KIRREL3: variants seen among roughly 807,000 people sequenced by gnomAD.
KIRREL3 encodes the protein kirre like nephrin family adhesion molecule 3.
Under a neutral mutation model 89.7 loss-of-function variants are expected in KIRREL3, and 36 were observed. That is an observed-to-expected ratio of 0.40 (90% CI 0.31 to 0.53). The LOEUF (loss-of-function observed/expected upper bound fraction) is 0.53. Among genes scored for constraint, KIRREL3 ranks in the 20% least tolerant of loss-of-function variants. The pLI is 0.49. For missense variants in KIRREL3, 864 were observed against 1,056.6 expected (o/e 0.82, Z 2.53); for synonymous variants, 445 against 441.4 (o/e 1.01, Z -0.10).
At chr11:126,899,556 G>A (rs943058539) in intron 1 of KIRREL3, among the ~76,000 whole-genome samples, 8 of 152,280 alleles carry the variant, frequency 5.3e-5, no homozygotes, top group African/African-American at 1.9e-4. Context: ...CAAAGACAAG[G>A]AAGGCAAAGC....
At position 126,444,969 on chromosome 11, in the gene KIRREL3, A is replaced by G. The variant is rs1955733633; in HGVS notation, c.1252+10T>C. On this transcript the variant is annotated intron_variant, in intron 10 of 16. Transcript: ENST00000525144. ...CCCTCAGGCCTGGCTCACCCCAGCGAGGGTCTTACCATTGACGGTCAGGGT... is the reference window on the plus strand; with the variant it reads ...CCCTCAGGCCTGGCTCACCCCAGCGGGGGTCTTACCATTGACGGTCAGGGT... 6.2e-7 allele frequency: 1 copy of G among 1,613,516 alleles called. No homozygotes were observed. The highest frequency in any genetic ancestry group is 8.5e-7 in the Non-Finnish European group (1 of 1,179,828).
In KIRREL3 at chr11:126,905,818, C is replaced by T. The variant is rs1303747610; in HGVS notation, c.55+94637G>A. On this transcript the variant is annotated intron_variant, in intron 1 of 16. Transcript: ENST00000525144. The surrounding 1 kb of genome is among the most constrained non-coding windows in gnomAD (Gnocchi z 5.0). ...CTAACGAGCACACTGGGGAGAGCCT[C>T]CAGTGGGGACATGACTCCCCAAAGC... is the stretch of plus-strand genomic sequence containing the variant. Among the ~76,000 whole-genome samples the T allele has an allele frequency of 6.6e-6, 1 of 152,172 alleles. No individual in the cohort carries two copies. Among genetic ancestry groups the T allele is most frequent in the Non-Finnish European group, 1.5e-5 (1 of 68,030 alleles).
At chr11:126,849,073 C>G (rs555410429) in intron 1 of KIRREL3, among the ~76,000 whole-genome samples, 1 of 152,264 alleles carries the variant, frequency 6.6e-6, no homozygotes, top group Non-Finnish European at 1.5e-5. Context: ...TGAAGGCATT[C>G]TTAATCACAG....
At chr11:126,854,260 A>G (rs1403618493) in intron 1 of KIRREL3, among the ~76,000 whole-genome samples, 1 of 152,032 alleles carries the variant, frequency 6.6e-6, no homozygotes, top group Non-Finnish European at 1.5e-5. Flanking sequence ...TTATGATTTA[A>G]ACTATTTTAA....
chr11:126,449,175 G>T lies in KIRREL3; in HGVS notation c.849-18C>A, dbSNP rs547781666. On this transcript the variant is annotated intron_variant, in intron 7 of 16. Transcript: ENST00000525144. ...TGGCCCACCTGCAACAAAGGCCAGG[G>T]GCTGATGTGGGCCTTGAGTGGCAAG... The T allele has an allele frequency of 1.8e-5, 29 of 1,612,448 alleles. No individual in the cohort carries two copies. Among genetic ancestry groups the T allele is most frequent in the South Asian group, 1.8e-4 (16 of 91,014 alleles).
intron 1 of KIRREL3, chr11:126,936,791 C>T (rs1404498775): frequency 6.6e-6 from 1 of 152,188 alleles, no homozygotes; most frequent in Non-Finnish European, 1.5e-5. Flanking sequence ...CATGAGGGAT[C>T]ACTTGGGAGA....
At position 126,446,786 on chromosome 11, in the gene KIRREL3, G is replaced by A. The variant is rs370728972; in HGVS notation, c.1098C>T (p.Ile366=). 27 of 1,601,862 alleles carry A rather than the reference G, an allele frequency of 1.7e-5. No homozygotes were observed. The highest frequency in any genetic ancestry group is 1.6e-4 in the Middle Eastern group (1 of 6,074). Residue 366 remains isoleucine (I), a synonymous_variant, in exon 9 of 17, where the codon ATC becomes ATT. Coordinates refer to ENST00000525144, the MANE Select transcript of KIRREL3 (RefSeq NM_032531.4). ...CAWTGNPSLT[I]VWMKRGSGVV... ...CTCCGGAGCCCCGCTTCATCCAGAC[G>A]ATGGTCAGGGATGGGTTGCCGGTCC...
chr11:126,677,390 C>T lies in KIRREL3; in HGVS notation c.56-114478G>A, dbSNP rs962978414. Among the ~76,000 whole-genome samples, 6 of 152,158 alleles carry T rather than the reference C, an allele frequency of 3.9e-5. No homozygotes were observed. Among genetic ancestry groups the T allele is most frequent in the African/African-American group, 7.2e-5 (3 of 41,428 alleles). On this transcript the variant is annotated intron_variant, in intron 1 of 16. Transcript: ENST00000525144. This position sits in a 1 kb window ranked among gnomAD's most constrained non-coding sequence, Gnocchi z 5.1. ...GGATTGCACGTTCCCATCTGATAAC[C>T]GAATCTCCATTCTGGAGAAAGGATG...
intron 1 of KIRREL3, among the ~76,000 whole-genome samples, chr11:126,678,785 G>T (rs965768515): frequency 3.3e-5 from 5 of 152,158 alleles, no homozygotes; most frequent in Admixed American, 6.5e-5. Context: ...CAGGGGAGTG[G>T]TGAAGCCTGC....
intron 1 of KIRREL3, among the ~76,000 whole-genome samples, chr11:126,633,536 C>T (rs1369954517): frequency 1.3e-5 from 2 of 152,096 alleles, no homozygotes; most frequent in African/African-American, 4.8e-5. Context: ...CCTGGCACCT[C>T]CCCCTCGCCT....
At chr11:126,539,875 T>C (rs1938214561) in intron 2 of KIRREL3, among the ~76,000 whole-genome samples, 1 of 152,216 alleles carries the variant, frequency 6.6e-6, no homozygotes, top group Non-Finnish European at 1.5e-5. Context: ...GTTGACCTGA[T>C]AATTCAACTC....
chr11:126,621,126 C>A (rs888396918), intron 1 of KIRREL3, among the ~76,000 whole-genome samples: 3 of 152,042 alleles, frequency 2.0e-5, no homozygotes, highest in Non-Finnish European at 4.4e-5. Flanking sequence ...CATATCATAT[C>A]AAAGGAAAAA....
intron 6 of KIRREL3, among the ~76,000 whole-genome samples, chr11:126,457,823 G>A (rs748061096): frequency 5.3e-5 from 8 of 152,096 alleles, no homozygotes; most frequent in Non-Finnish European, 1.0e-4. Context: ...CAAACAACGA[G>A]GAAAAGAGAT....
rs928938895 is a variant in KIRREL3 at position 126,683,417 on chromosome 11, G to A, written c.56-120505C>T. Among the ~76,000 whole-genome samples the A allele has an allele frequency of 1.3e-5, 2 of 152,188 alleles. No individual in the cohort carries two copies. The highest frequency in any genetic ancestry group is 1.3e-4 in the Admixed American group (2 of 15,286). On this transcript the variant is annotated intron_variant, in intron 1 of 16. Coordinates refer to ENST00000525144, the MANE Select transcript of KIRREL3 (RefSeq NM_032531.4). The surrounding 1 kb of genome is among the most constrained non-coding windows in gnomAD (Gnocchi z 5.2). The stretch of plus-strand genomic sequence containing the variant: ...GCCGTGGTCCACAAAGGGAAACACT[G>A]TCCCATCCAACTCTGAGAAATGGGT...
intron 9 of KIRREL3, among the ~76,000 whole-genome samples, chr11:126,445,497 C>A (rs190678579): frequency 2.4e-3 from 366 of 152,302 alleles, no homozygotes; most frequent in African/African-American, 8.4e-3. Context: ...GTGACATGAT[C>A]CTACAGCTGA....
rs746077211 is a variant in KIRREL3, at chr11:126,424,714, CGCT to C, written c.2200_2202del (p.Ser734del). 33 of 1,614,014 alleles carry C rather than the reference CGCT, an allele frequency of 2.0e-5. No individual in the cohort carries two copies. The highest frequency in any genetic ancestry group is 1.6e-4 in the Middle Eastern group (1 of 6,062). On this transcript the variant is annotated inframe_deletion, in exon 17 of 17. Transcript: ENST00000525144. ...AACTGCACATAGCCATCCTGCTTGC[CGCT>C]GCTGCTGACGCTGCTGTCACACTGC... is the stretch of plus-strand genomic sequence containing the variant.
Position 126,892,844 on chromosome 11 carries a change from G to C in KIRREL3, c.55+107611C>G, listed in dbSNP as rs1444469696. 1.3e-5 allele frequency among the ~76,000 whole-genome samples: 2 copies of C among 152,182 alleles called. No individual in the cohort carries two copies. The stretch of plus-strand genomic sequence containing the variant: ...GAGACCTACTCAAGAGAGGACAAAA[G>C]AGAGGCTCGGGTAGAGCTTATCTAG... On this transcript the variant is annotated intron_variant, in intron 1 of 16. Transcript: ENST00000525144. The surrounding 1 kb of genome is among the most constrained non-coding windows in gnomAD (Gnocchi z 5.4).
At chr11:126,595,715 G>A (rs1240479906) in intron 1 of KIRREL3, among the ~76,000 whole-genome samples, 3 of 152,132 alleles carry the variant, frequency 2.0e-5, no homozygotes, top group Non-Finnish European at 4.4e-5. Context: ...GTGGCCAGAA[G>A]GCACCTGCAG....
Position 126,551,150 on chromosome 11 carries a change from G to A in KIRREL3, c.133+11685C>T, listed in dbSNP as rs73634648. On this transcript the variant is annotated intron_variant, in intron 2 of 16. Transcript: ENST00000525144. The surrounding 1 kb of genome is among the most constrained non-coding windows in gnomAD (Gnocchi z 4.9). ...GGGGGGAAGGGGCAGGAGCTTCCAC[G>A]CCCTCCCTGAGTGCGCCACCCTCCA... Among the ~76,000 whole-genome samples the A allele has an allele frequency of 0.054, 8,156 of 152,182 alleles. 586 individuals are homozygous for A. The highest frequency in any genetic ancestry group is 0.16 in the African/African-American group (6,838 of 41,486).
Sources: gnomAD v4.1 joint callset for allele counts (sites outside exome capture counted in the v4.1 genomes callset) on GRCh38, gnomAD v4.1.1 for gene constraint, Gnocchi (gnomAD v3.1) non-coding constraint, MANE v1.5 for transcripts, NCBI Gene and HGNC (gene_info 2026-07-23, HGNC 2026-07-21) for gene names.